PLEKHA7: variants seen among roughly 807,000 people sequenced by gnomAD.
PLEKHA7 encodes pleckstrin homology domain containing A7.
PLEKHA7 carries 104 observed loss-of-function variants against 170.0 expected under a neutral mutation model. The ratio of observed to expected loss-of-function variants is 0.61; its 90% CI spans 0.52 to 0.72. PLEKHA7 has a LOEUF of 0.72. Ranked by LOEUF, PLEKHA7 falls within the 30% of genes least tolerant of loss-of-function variation. The probability of loss-of-function intolerance (pLI) is 0.00; values close to 1 mark genes in which losing one functional copy is unlikely to be tolerated. For synonymous variants in PLEKHA7, 648 were observed against 660.8 expected (o/e 0.98, Z 0.30); for missense variants, 1,615 against 1,671.7 (o/e 0.97, Z 0.59).
chr11:16,957,697 C>CTTTTTTT (rs1169142909), intron 3 of PLEKHA7, among the ~76,000 whole-genome samples: 1 of 87,302 alleles, frequency 1.1e-5, no homozygotes, highest in Admixed American at 1.6e-4. Context: ...TAATTTTTTT[C>CTTTTTTT]TTTTTTTTTT....
At chr11:16,788,598 A>G (rs1849562778) in intron 23 of PLEKHA7, 1 of 162,938 alleles carries the variant, frequency 6.1e-6, no homozygotes, top group African/African-American at 2.4e-5. Context: ...AATCCCAGAC[A>G]CCCTGAGGCC....
intron 3 of PLEKHA7, among the ~76,000 whole-genome samples, chr11:16,955,116 C>T (rs1861624584): frequency 6.6e-6 from 1 of 152,110 alleles, no homozygotes; most frequent in African/African-American, 2.4e-5. Flanking sequence ...CTGTTGAACG[C>T]AAAGCACTAT....
At chr11:16,915,609 A>G (rs533420247) in intron 3 of PLEKHA7, among the ~76,000 whole-genome samples, 1,792 of 148,346 alleles carry the variant, frequency 0.012, 24 homozygotes, top group South Asian at 0.047. Flanking sequence ...GAGAATATGC[A>G]GTGTTTGGTT....
At chr11:16,943,409 G>A (rs1202722298) in intron 3 of PLEKHA7, among the ~76,000 whole-genome samples, 1 of 152,026 alleles carries the variant, frequency 6.6e-6, no homozygotes, top group African/African-American at 2.4e-5. Context: ...AAGCTTTCAA[G>A]TCCCAATTTA....
At chr11:16,893,868 C>T (rs140354181) in intron 3 of PLEKHA7, among the ~76,000 whole-genome samples, 3 of 152,266 alleles carry the variant, frequency 2.0e-5, no homozygotes, top group African/African-American at 7.2e-5. Context: ...ATTAAGTTAT[C>T]CATGGAGTGT....
chr11:16,992,368 T>C (rs191302434), intron 3 of PLEKHA7, among the ~76,000 whole-genome samples: 1 of 152,314 alleles, frequency 6.6e-6, no homozygotes, highest in Admixed American at 6.5e-5. Context: ...CTCTACTACC[T>C]CCTGTCTGTG....
chr11:16,923,742 C>T (rs1859277518), intron 3 of PLEKHA7, among the ~76,000 whole-genome samples: 1 of 152,154 alleles, frequency 6.6e-6, no homozygotes, highest in Non-Finnish European at 1.5e-5. Flanking sequence ...ACCCTATTCC[C>T]CACACTTCTT....
chr11:16,931,003 G>A (rs1859883321), intron 3 of PLEKHA7, among the ~76,000 whole-genome samples: 1 of 152,128 alleles, frequency 6.6e-6, no homozygotes, highest in South Asian at 2.1e-4. Flanking sequence ...GCACCTAGGG[G>A]CCATTAAGGT....
At chr11:16,790,986 G>C in intron 20 of PLEKHA7, 25 bp downstream of exon 20, 1 of 1,613,920 alleles carries the variant, frequency 6.2e-7, no homozygotes, top group African/African-American at 1.3e-5. Flanking sequence ...CATGTAGAGT[G>C]GCAGCCCCAG....
chr11:16,789,802 A>T lies in PLEKHA7; in HGVS notation c.3129T>A (p.Asn1043Lys), dbSNP rs1185447149. The T allele has an allele frequency of 1.9e-6, 3 of 1,613,990 alleles. No individual in the cohort carries two copies. Among genetic ancestry groups the T allele is most frequent in the Non-Finnish European group, 2.5e-6 (3 of 1,179,996 alleles). The change falls in exon 22 of 27, where the codon AAT becomes AAA. Residue 1043 changes from asparagine (N) to lysine (K), a missense_variant. By Grantham distance (94) the Asn-to-Lys change is moderately conservative. Coordinates refer to ENST00000531066, the MANE Select transcript of PLEKHA7 (RefSeq NM_001329630.2). The surrounding 1 kb of genome is among the most constrained non-coding windows in gnomAD (Gnocchi z 4.6). ...APYVTLRRGL[N>K]AESSKATFPR... ...GGAAGGTCGCCTTGCTGCTTTCGGC[A>T]TTGAGACCCCTCCGGAGTGTGACGT...
Position 16,826,038 on chromosome 11 carries a change from C to A in PLEKHA7, c.1343+82G>T, listed in dbSNP as rs150159677. ...TAAAGAGTTTAAGGCTGCCCTTACG[C>A]AGCAAGTGCTGGCTAAATGACAGCT... On this transcript the variant is annotated intron_variant, in intron 10 of 26. Transcript: ENST00000531066. The A allele has an allele frequency of 1.3e-3, 1,864 of 1,396,570 alleles. 29 individuals carry two copies. The Admixed American group carries it at 0.026, about 19-fold the overall frequency. The allele number at this position is 1,396,570 out of a possible 1,614,324, so 86.5% of individuals were successfully genotyped here.
chr11:16,984,225 T>A (rs1187508089), intron 3 of PLEKHA7, among the ~76,000 whole-genome samples: 3 of 152,098 alleles, frequency 2.0e-5, no homozygotes, highest in Non-Finnish European at 4.4e-5. Context: ...AATGGCATGA[T>A]CTGACTTTTC....
chr11:16,881,362 G>A (rs1471680496), intron 3 of PLEKHA7: 2 of 152,318 alleles, frequency 1.3e-5, no homozygotes, highest in South Asian at 2.1e-4. Context: ...AGGTCAGACA[G>A]GGAGGGAGAC....
chr11:16,932,228 A>G (rs994458428), intron 3 of PLEKHA7, among the ~76,000 whole-genome samples: 1 of 152,076 alleles, frequency 6.6e-6, no homozygotes, highest in African/African-American at 2.4e-5. Flanking sequence ...ATGGTATAAT[A>G]GCATGGGACA....
At chr11:16,828,666 C>T (rs1297285620) in intron 9 of PLEKHA7, among the ~76,000 whole-genome samples, 1 of 152,200 alleles carries the variant, frequency 6.6e-6, no homozygotes, top group African/African-American at 2.4e-5. Flanking sequence ...ACACTGTATC[C>T]ACTGCCCTTC....
At chr11:16,831,066 C>T (rs1851065461) in intron 9 of PLEKHA7, among the ~76,000 whole-genome samples, 1 of 152,190 alleles carries the variant, frequency 6.6e-6, no homozygotes, top group Non-Finnish European at 1.5e-5. Flanking sequence ...GAGCGAATGG[C>T]AGTCAGCTTG....
At chr11:16,879,091 T>C (rs1438453918) in intron 3 of PLEKHA7, among the ~76,000 whole-genome samples, 1 of 152,190 alleles carries the variant, frequency 6.6e-6, no homozygotes, top group Non-Finnish European at 1.5e-5. Context: ...AGAAGGATAA[T>C]ATAAACATCA....
intron 6 of PLEKHA7, among the ~76,000 whole-genome samples, chr11:16,853,304 G>A (rs561525823): frequency 3.9e-5 from 6 of 152,324 alleles, no homozygotes; most frequent in Non-Finnish European, 4.4e-5. Context: ...ACAGCATAAG[G>A]ATTGTTCCTC....
In PLEKHA7 at chr11:16,787,291, A is replaced by G. The variant is rs910654339; in HGVS notation, c.3358-904T>C. 1.1e-5 allele frequency: 10 copies of G among 944,924 alleles called. No homozygotes were observed. The African/African-American group carries it at 1.8e-4, about 17-fold the overall frequency. The allele number at this position is 944,924 out of a possible 1,614,324, so 58.5% of individuals were successfully genotyped here. A position where few individuals can be genotyped will look rare whatever the true frequency, so the allele number is the denominator to read the frequency against. ...TATCCCAGGCCATCTTCTCTCTCCCATCCATCCACCTCAAAGCCCCAAATG... is the reference window on the plus strand; with the variant it reads ...TATCCCAGGCCATCTTCTCTCTCCCGTCCATCCACCTCAAAGCCCCAAATG... On this transcript the variant is annotated intron_variant, in intron 23 of 26. Coordinates refer to ENST00000531066, the MANE Select transcript of PLEKHA7 (RefSeq NM_001329630.2).
Sources: gnomAD v4.1 joint callset for allele counts (sites outside exome capture counted in the v4.1 genomes callset) on GRCh38, gnomAD v4.1.1 for gene constraint, Gnocchi (gnomAD v3.1) non-coding constraint, MANE v1.5 for transcripts, NCBI Gene and HGNC (gene_info 2026-07-23, HGNC 2026-07-21) for gene names.